Variants in CDH9 observed in about 807,000 individuals in gnomAD.
CDH9 encodes the protein cadherin 9.
CDH9 carries 28 observed loss-of-function variants against 70.9 expected under a neutral mutation model. That is an observed-to-expected ratio of 0.40 (90% CI 0.29 to 0.54). The LOEUF (loss-of-function observed/expected upper bound fraction) is 0.54, where lower values mean the gene tolerates loss of function less well. CDH9 is among the 20% of genes least tolerant of loss of function. CDH9 has a pLI of 0.59. For synonymous variants in CDH9, 409 were observed against 343.1 expected (o/e 1.19, Z -2.12); for missense variants, 874 against 984.4 (o/e 0.89, Z 1.50).
At chr5:27,035,721 GGT>G (rs1299885606) in intron 1 of CDH9, among the ~76,000 whole-genome samples, 2 of 141,880 alleles carry the variant, frequency 1.4e-5, no homozygotes, top group South Asian at 2.2e-4. Context: ...GGTGTGTGTG[GGT>G]GTGTGTGTAT....
chr5:26,936,112 G>A (rs544647543), intron 2 of CDH9, among the ~76,000 whole-genome samples: 52 of 151,708 alleles, frequency 3.4e-4, no homozygotes, highest in Non-Finnish European at 3.2e-4. Flanking sequence ...AGAGTGGGGG[G>A]GTGAGAGAAA....
At chr5:26,886,221 A>G in intron 9 of CDH9, 138 bp from the exon 10 acceptor site, 1 of 1,048,098 alleles carries the variant, frequency 9.5e-7, no homozygotes, top group Non-Finnish European at 1.3e-6. Context: ...TGCCATTTTC[A>G]GAAAATTATG....
At chr5:26,965,935 A>T (rs1179889640) in intron 2 of CDH9, among the ~76,000 whole-genome samples, 1 of 152,198 alleles carries the variant, frequency 6.6e-6, no homozygotes, top group Non-Finnish European at 1.5e-5. Context: ...AAAAATGTTG[A>T]ATAATCACAT....
intron 5 of CDH9, among the ~76,000 whole-genome samples, chr5:26,904,308 T>A (rs1740909052): frequency 6.6e-6 from 1 of 151,990 alleles, no homozygotes; most frequent in South Asian, 2.1e-4. Context: ...AGTTTTAATA[T>A]CTTTTAGTGG....
At chr5:26,924,258 C>T (rs1036242120) in intron 2 of CDH9, among the ~76,000 whole-genome samples, 12 of 151,756 alleles carry the variant, frequency 7.9e-5, no homozygotes, top group African/African-American at 2.9e-4. Flanking sequence ...ATTACAGGTT[C>T]TAAGAGCAAT....
chr5:26,972,605 A>C (rs190879521), intron 2 of CDH9, among the ~76,000 whole-genome samples: 1 of 152,274 alleles, frequency 6.6e-6, no homozygotes, highest in Admixed American at 6.5e-5. Context: ...GTCTGCCTAC[A>C]AGTGGACATA....
At chr5:26,900,157 C>A (rs1045237811) in intron 7 of CDH9, among the ~76,000 whole-genome samples, 1 of 151,716 alleles carries the variant, frequency 6.6e-6, no homozygotes, top group African/African-American at 2.4e-5. Context: ...ATTAGATAAC[C>A]AGAATAATTC....
intron 1 of CDH9, among the ~76,000 whole-genome samples, chr5:27,017,314 T>C (rs866658276): frequency 8.5e-4 from 129 of 151,996 alleles, no homozygotes; most frequent in African/African-American, 3.1e-3. Flanking sequence ...TTATTGTTTT[T>C]CCTTAATTAT....
chr5:27,004,468 T>C (rs1211885580), intron 1 of CDH9, among the ~76,000 whole-genome samples: 8 of 152,144 alleles, frequency 5.3e-5, no homozygotes, highest in Non-Finnish European at 1.2e-4. Flanking sequence ...ATAACTTAAA[T>C]GTTAAATGAT....
chr5:26,916,915 A>T (rs1231283144), intron 2 of CDH9, among the ~76,000 whole-genome samples: 1 of 151,968 alleles, frequency 6.6e-6, no homozygotes, highest in Non-Finnish European at 1.5e-5. Context: ...GGCCATATGA[A>T]CTATGTCTTA....
At chr5:26,944,407 T>G (rs1380880013) in intron 2 of CDH9, among the ~76,000 whole-genome samples, 2 of 152,168 alleles carry the variant, frequency 1.3e-5, no homozygotes, top group African/African-American at 4.8e-5. Context: ...TCCCAGCACT[T>G]TGGGAGGCTG....
chr5:26,963,573 T>C (rs1022266065), intron 2 of CDH9, among the ~76,000 whole-genome samples: 5 of 152,092 alleles, frequency 3.3e-5, no homozygotes, highest in Admixed American at 1.3e-4. Flanking sequence ...ATAGCCACCA[T>C]TGACCTTCTT....
At chr5:26,888,833 T>C (rs62346382) in intron 9 of CDH9, among the ~76,000 whole-genome samples, 2 of 152,184 alleles carry the variant, frequency 1.3e-5, no homozygotes, top group African/African-American at 4.8e-5. Flanking sequence ...ATATGGCTTT[T>C]CCTTGGCCCA....
chr5:26,982,736 T>C (rs1267614300), intron 2 of CDH9, among the ~76,000 whole-genome samples: 5 of 152,026 alleles, frequency 3.3e-5, no homozygotes, highest in Admixed American at 2.6e-4. Flanking sequence ...TCGCCCAGGC[T>C]CGATCTCGGC....
intron 1 of CDH9, among the ~76,000 whole-genome samples, chr5:26,992,752 G>A (rs1742597944): frequency 6.6e-6 from 1 of 152,048 alleles, no homozygotes; most frequent in Non-Finnish European, 1.5e-5. Context: ...TTCTGGTGAG[G>A]TCATAGAAAG....
chr5:27,022,275 G>A (rs1337840752), intron 1 of CDH9, among the ~76,000 whole-genome samples: 1 of 151,740 alleles, frequency 6.6e-6, no homozygotes, highest in Admixed American at 6.6e-5. Flanking sequence ...CACAAATTGA[G>A]TTTTTTTAAA....
At chr5:26,911,863 G>A (rs1244842819) in intron 3 of CDH9, among the ~76,000 whole-genome samples, 1 of 151,968 alleles carries the variant, frequency 6.6e-6, no homozygotes, top group Non-Finnish European at 1.5e-5. Flanking sequence ...TTGGGCATTT[G>A]GCACTAAAAA....
intron 2 of CDH9, among the ~76,000 whole-genome samples, chr5:26,917,842 A>T (rs1429486084): frequency 6.6e-6 from 1 of 152,094 alleles, no homozygotes; most frequent in Non-Finnish European, 1.5e-5. Context: ...ATGTAGTCTT[A>T]TTACAATCTA....
chr5:27,009,699 C>T (rs1308126165), intron 1 of CDH9, among the ~76,000 whole-genome samples: 1 of 152,056 alleles, frequency 6.6e-6, no homozygotes, highest in African/African-American at 2.4e-5. Context: ...GTTATTTCAG[C>T]CTCAACAAGA....
Sources: allele counts gnomAD v4.1 joint callset (sites outside exome capture counted in the v4.1 genomes callset), GRCh38; gene constraint gnomAD v4.1.1; transcripts MANE v1.5; gene names NCBI Gene and HGNC (gene_info 2026-07-23, HGNC 2026-07-21).